Variants in SLC39A8 observed in about 807,000 individuals in gnomAD.
SLC39A8 encodes the protein metal cation symporter ZIP8.
Under a neutral mutation model 40.4 loss-of-function variants are expected in SLC39A8, and 15 were observed. The observed-to-expected ratio is 0.37, with a 90% confidence interval of 0.25 to 0.57. The LOEUF is 0.57. SLC39A8 is among the 20% of genes least tolerant of loss of function. The pLI is 0.75. For missense variants in SLC39A8, 472 were observed against 558.8 expected (o/e 0.84, Z 1.57); for synonymous variants, 223 against 221.6 (o/e 1.01, Z -0.06).
chr4:102,317,498 T>C (rs749325803), intron 2 of SLC39A8, among the ~76,000 whole-genome samples: 1 of 152,162 alleles, frequency 6.6e-6, no homozygotes, highest in Non-Finnish European at 1.5e-5. Flanking sequence ...CAGAATGATG[T>C]ATAATAAACT....
chr4:102,252,323 G>A (rs1374065541), exon 12 of SLC39A8: 2 of 152,346 alleles, frequency 1.3e-5, no homozygotes, highest in East Asian at 3.7e-4. Context: ...TTCTAATGAT[G>A]AGAAAAGTTA....
At position 102,344,529 on chromosome 4, in the gene SLC39A8, G is replaced by A. The variant is rs1306286624; in HGVS notation, c.134C>T (p.Ala45Val). Residue 45 changes from alanine to valine, a missense_variant, in exon 2 of 9, where the codon GCG becomes GTG. Ala to Val is a moderately conservative substitution (Grantham distance 64). Coordinates refer to ENST00000356736, the MANE Select transcript of SLC39A8 (RefSeq NM_001135146.2). ...CTCCAGCAAGTGCTGGAGCTGCGCC[G>A]CCGACAGGCTCAGATTCGCGCCGAA... ...SVFGANLSLS[A>V]AQLQHLLEQM... is the part of the protein sequence containing the mutation. 17 of 1,559,234 alleles carry A rather than the reference G, an allele frequency of 1.1e-5. No individual in the cohort carries two copies. The highest frequency in any genetic ancestry group is 1.4e-5 in the Non-Finnish European group (16 of 1,151,836).
intron 8 of SLC39A8, among the ~76,000 whole-genome samples, chr4:102,265,798 G>A (rs1732071645): frequency 6.6e-6 from 1 of 152,184 alleles, no homozygotes; most frequent in Non-Finnish European, 1.5e-5. Context: ...GAATCAATCA[G>A]TGGGATGGAA....
chr4:102,257,107 T>TA (rs1322069159), downstream of SLC39A8, among the ~76,000 whole-genome samples: 1 of 151,436 alleles, frequency 6.6e-6, no homozygotes, highest in Non-Finnish European at 1.5e-5. Context: ...TTGTGTCTAA[T>TA]AAAAAATGAG....
intron 2 of SLC39A8, among the ~76,000 whole-genome samples, chr4:102,326,585 A>G (rs570028811): frequency 2.8e-4 from 42 of 152,262 alleles, no homozygotes; most frequent in Non-Finnish European, 1.9e-4. Context: ...TAAAATTAGC[A>G]TGGAATGGGT....
chr4:102,312,850 GA>G (rs1268036046), intron 3 of SLC39A8, among the ~76,000 whole-genome samples: 1 of 152,098 alleles, frequency 6.6e-6, no homozygotes, highest in Non-Finnish European at 1.5e-5. Context: ...AACATAGCTG[GA>G]AAATTACAGA....
intron 6 of SLC39A8, among the ~76,000 whole-genome samples, chr4:102,281,837 C>T (rs1223939656): frequency 1.3e-5 from 2 of 152,108 alleles, no homozygotes; most frequent in African/African-American, 4.8e-5. Flanking sequence ...TGTCACTGTG[C>T]CACTCTAAAG....
chr4:102,303,465 C>A (rs1734003348), intron 6 of SLC39A8, among the ~76,000 whole-genome samples: 1 of 151,948 alleles, frequency 6.6e-6, no homozygotes, highest in African/African-American at 2.4e-5. Flanking sequence ...GGTCAATTTC[C>A]TTCTAGTAGC....
chr4:102,279,798 G>A (rs1189438940), intron 6 of SLC39A8, among the ~76,000 whole-genome samples: 1 of 152,104 alleles, frequency 6.6e-6, no homozygotes, highest in Non-Finnish European at 1.5e-5. Context: ...AGACATCATG[G>A]GAATGATATG....
chr4:102,330,836 C>A (rs1735420161), intron 2 of SLC39A8, among the ~76,000 whole-genome samples: 1 of 152,168 alleles, frequency 6.6e-6, no homozygotes, highest in African/African-American at 2.4e-5. Context: ...ATGATCAAGT[C>A]AGTTTCATCC....
intron 6 of SLC39A8, among the ~76,000 whole-genome samples, chr4:102,281,594 A>T (rs2149016154): frequency 6.6e-6 from 1 of 152,302 alleles, no homozygotes; most frequent in African/African-American, 2.4e-5. Context: ...GCCAGTGGTA[A>T]CTGCAACCAC....
chr4:102,257,200 G>A (rs1404471412), downstream of SLC39A8, among the ~76,000 whole-genome samples: 4 of 150,116 alleles, frequency 2.7e-5, no homozygotes, highest in Non-Finnish European at 4.4e-5. Flanking sequence ...TGTTACCCAT[G>A]CTAGAGTGCA....
At chr4:102,278,838 A>G (rs1447796359) in intron 6 of SLC39A8, among the ~76,000 whole-genome samples, 1 of 152,220 alleles carries the variant, frequency 6.6e-6, no homozygotes, top group African/African-American at 2.4e-5. Flanking sequence ...TGTCCTTTGC[A>G]GGGACATGGA....
chr4:102,304,997 A>C lies in SLC39A8; in HGVS notation c.667T>G (p.Tyr223Asp). ...AAATAAAGTCCATTTACCTGACCAT[A>C]TGTCTTTAATAACATCTTTAGCATT... ...ERMLKMLLKTYGQNGHTHFGN... is the reference protein window; with the variant it reads ...ERMLKMLLKTDGQNGHTHFGN... The change falls in exon 5 of 9, where the codon TAT becomes GAT. Residue 223 changes from tyrosine to aspartate, a missense_variant. Coordinates refer to ENST00000356736, the MANE Select transcript of SLC39A8 (RefSeq NM_001135146.2). 1 of 1,603,512 alleles carries C rather than the reference A, an allele frequency of 6.2e-7. No homozygotes were observed. The highest frequency in any genetic ancestry group is 1.1e-5 in the South Asian group (1 of 90,034).
chr4:102,342,587 A>G (rs1735992674), intron 2 of SLC39A8, among the ~76,000 whole-genome samples: 1 of 152,064 alleles, frequency 6.6e-6, no homozygotes. Context: ...CAAGGTAATT[A>G]TGGGCTTCTT....
intron 6 of SLC39A8, among the ~76,000 whole-genome samples, chr4:102,299,866 A>G (rs1385775793): frequency 2.6e-5 from 4 of 151,958 alleles, no homozygotes; most frequent in African/African-American, 9.7e-5. Context: ...AAAGTACCAA[A>G]CATTCCTCAG....
At chr4:102,273,050 G>GT (rs1438526249) in intron 6 of SLC39A8, among the ~76,000 whole-genome samples, 1 of 152,150 alleles carries the variant, frequency 6.6e-6, no homozygotes, top group Non-Finnish European at 1.5e-5. Flanking sequence ...AGCTACAGGA[G>GT]TTTTTTTCCA....
chr4:102,313,481 C>G (rs1198499140), intron 3 of SLC39A8, among the ~76,000 whole-genome samples: 1 of 152,054 alleles, frequency 6.6e-6, no homozygotes, highest in African/African-American at 2.4e-5. Context: ...ACAAAGGAAT[C>G]CGGAAATGAA....
chr4:102,291,726 T>C (rs1041931271), intron 6 of SLC39A8, among the ~76,000 whole-genome samples: 2 of 152,018 alleles, frequency 1.3e-5, no homozygotes, highest in Non-Finnish European at 2.9e-5. Flanking sequence ...CATGGGACTT[T>C]GTCCATCAAG....
Sources: gnomAD v4.1 joint callset for allele counts (sites outside exome capture counted in the v4.1 genomes callset) on GRCh38, gnomAD v4.1.1 for gene constraint, MANE v1.5 for transcripts, NCBI Gene and HGNC (gene_info 2026-07-23, HGNC 2026-07-21) for gene names.